Variants in GMDS observed in about 807,000 individuals in gnomAD.
GMDS encodes the protein GDP-mannose 4,6 dehydratase.
A neutral mutation model predicts 49.9 loss-of-function variants in GMDS; 20 were observed. That is an observed-to-expected ratio of 0.40 (90% CI 0.28 to 0.58). The LOEUF (loss-of-function observed/expected upper bound fraction) is 0.58, where lower values mean the gene tolerates loss of function less well. Among genes scored for constraint, GMDS ranks in the 20% least tolerant of loss-of-function variants. GMDS has a pLI of 0.42. For synonymous variants in GMDS, 177 were observed against 178.6 expected, an observed-to-expected ratio of 0.99 and a Z score of 0.07; for missense variants, 362 against 481.4, an observed-to-expected ratio of 0.75 and a Z score of 2.32.
intron 7 of GMDS, among the ~76,000 whole-genome samples, chr6:1,856,502 T>C (rs772864763): frequency 4.6e-5 from 7 of 152,254 alleles, no homozygotes; most frequent in Non-Finnish European, 8.8e-5. Flanking sequence ...AGAGCTAACG[T>C]ATTTGCCCAA....
chr6:2,195,244 T>C lies in GMDS; in HGVS notation c.102+50077A>G, dbSNP rs372952808. ...GAAGCGATAGTACTTAATGATTCTGTTCAAAAATTCTGAAGCAAAAAGACC... is the reference window on the plus strand; with the variant it reads ...GAAGCGATAGTACTTAATGATTCTGCTCAAAAATTCTGAAGCAAAAAGACC... On this transcript the variant is annotated intron_variant, in intron 1 of 10. Coordinates refer to ENST00000380815, the MANE Select transcript of GMDS (RefSeq NM_001500.4). 4.6e-5 allele frequency among the ~76,000 whole-genome samples: 7 copies of C among 152,318 alleles called. No homozygotes were observed. In the East Asian group the frequency reaches 5.8e-4, roughly 13 times the overall value.
rs920251624 is a variant in GMDS at position 1,640,827 on chromosome 6, C to T, written c.988-16287G>A. 1.3e-5 allele frequency among the ~76,000 whole-genome samples: 2 copies of T among 151,986 alleles called. No homozygotes were observed. Among genetic ancestry groups the T allele is most frequent in the South Asian group, 2.1e-4 (1 of 4,814 alleles). On this transcript the variant is annotated intron_variant, in intron 9 of 10. Transcript: ENST00000380815. This position sits in a 1 kb window ranked among gnomAD's most constrained non-coding sequence, Gnocchi z 4.0. ...GAAAATTGGGTAATGGGGGGGGTCACGAATGCCAACACGGTACTGTTTAGG... is the reference window on the plus strand; with the variant it reads ...GAAAATTGGGTAATGGGGGGGGTCATGAATGCCAACACGGTACTGTTTAGG...
intron 7 of GMDS, among the ~76,000 whole-genome samples, chr6:1,760,215 T>A (rs1221855827): frequency 6.6e-6 from 1 of 152,210 alleles, no homozygotes; most frequent in African/African-American, 2.4e-5. Flanking sequence ...TTACAAAAAA[T>A]CCCGTTTTCC....
chr6:1,944,053 T>C (rs894587297), intron 6 of GMDS, among the ~76,000 whole-genome samples: 6 of 152,222 alleles, frequency 3.9e-5, no homozygotes, highest in Admixed American at 2.0e-4. Context: ...GTTTGGGCTT[T>C]ACTTCAGAAT....
intron 9 of GMDS, among the ~76,000 whole-genome samples, chr6:1,631,274 G>A (rs1762993131): frequency 6.6e-6 from 1 of 151,966 alleles, no homozygotes; most frequent in Non-Finnish European, 1.5e-5. Context: ...ATCTGTTGCA[G>A]GTGGCCTCTT....
chr6:2,232,030 C>T (rs1581835121), intron 1 of GMDS, among the ~76,000 whole-genome samples: 2 of 151,932 alleles, frequency 1.3e-5, no homozygotes, highest in East Asian at 1.9e-4. Context: ...ATTTTTAACC[C>T]GTTCTTTAGC....
At chr6:1,930,357 A>G in intron 6 of GMDS, 127 bp from the exon 7 acceptor site, 1 of 636,774 alleles carries the variant, frequency 1.6e-6, no homozygotes, top group Non-Finnish European at 2.7e-6. Flanking sequence ...CCCTGTTAAA[A>G]CAATAAAAGA....
chr6:1,733,956 C>T (rs1766918835), intron 8 of GMDS, among the ~76,000 whole-genome samples: 1 of 152,116 alleles, frequency 6.6e-6, no homozygotes, highest in African/African-American at 2.4e-5. Flanking sequence ...AGGAGGCACT[C>T]TTCCAAGGGG....
chr6:1,843,407 A>G (rs1757233586), intron 7 of GMDS, among the ~76,000 whole-genome samples: 1 of 152,168 alleles, frequency 6.6e-6, no homozygotes, highest in Admixed American at 6.5e-5. Context: ...AAGCTACATC[A>G]ATGTACAGTA....
At chr6:1,629,798 C>G (rs77117602) in intron 9 of GMDS, among the ~76,000 whole-genome samples, 1 of 152,230 alleles carries the variant, frequency 6.6e-6, no homozygotes, top group African/African-American at 2.4e-5. Flanking sequence ...GATGGGATCT[C>G]GGTAGAATTT....
intron 7 of GMDS, among the ~76,000 whole-genome samples, chr6:1,806,740 C>T (rs2113670602): frequency 6.6e-6 from 1 of 152,274 alleles, no homozygotes; most frequent in East Asian, 1.9e-4. Context: ...CATTGAATCA[C>T]AGGGTTTTAT....
rs180717590 is a variant in GMDS, at chr6:1,904,480, C to T, written c.771+25623G>A. 5.2e-4 allele frequency among the ~76,000 whole-genome samples: 79 copies of T among 152,292 alleles called. 1 individual carries two copies. The highest frequency in any genetic ancestry group is 1.8e-3 in the African/African-American group (75 of 41,556). ...AGCAGATTTCCTTTTTGCAGGCAGA[C>T]AGAATAAGTCAAAAGAAGGCAAAGT... On this transcript the variant is annotated intron_variant, in intron 7 of 10. Coordinates refer to ENST00000380815, the MANE Select transcript of GMDS (RefSeq NM_001500.4).
chr6:1,760,219 G>A (rs1006822826), intron 7 of GMDS, among the ~76,000 whole-genome samples: 7 of 152,312 alleles, frequency 4.6e-5, no homozygotes, highest in East Asian at 1.9e-4. Flanking sequence ...AAAAAATCCC[G>A]TTTTCCATGA....
chr6:1,995,775 A>G (rs1355256375), intron 4 of GMDS, among the ~76,000 whole-genome samples: 1 of 152,234 alleles, frequency 6.6e-6, no homozygotes, highest in Non-Finnish European at 1.5e-5. Flanking sequence ...GGGAAGGGCC[A>G]GGCTCTCCAC....
At chr6:2,218,407 T>G (rs1167611834) in intron 1 of GMDS, among the ~76,000 whole-genome samples, 2 of 152,132 alleles carry the variant, frequency 1.3e-5, no homozygotes, top group African/African-American at 4.8e-5. Flanking sequence ...GATGAAGATA[T>G]CTTTGACCAC....
chr6:2,236,137 T>TA (rs1020765832), intron 1 of GMDS, among the ~76,000 whole-genome samples: 4 of 152,232 alleles, frequency 2.6e-5, no homozygotes, highest in African/African-American at 9.6e-5. Context: ...AGTTCCCTTA[T>TA]AAAAAATTGG....
At chr6:2,002,879 T>C (rs1766914866) in intron 4 of GMDS, among the ~76,000 whole-genome samples, 1 of 152,200 alleles carries the variant, frequency 6.6e-6, no homozygotes, top group Admixed American at 6.5e-5. Context: ...TTTAAAATCA[T>C]GCCAGAAATA....
chr6:1,922,976 T>C (rs1427353623), intron 7 of GMDS, among the ~76,000 whole-genome samples: 2 of 152,318 alleles, frequency 1.3e-5, no homozygotes, highest in East Asian at 3.9e-4. Context: ...CATCCTGTTC[T>C]CATGGTAGTA....
At chr6:1,730,733 C>G (rs1766766502) in intron 8 of GMDS, among the ~76,000 whole-genome samples, 1 of 152,094 alleles carries the variant, frequency 6.6e-6, no homozygotes, top group Admixed American at 6.5e-5. Flanking sequence ...AGAGATTCTC[C>G]AACTAAAAGG....
Sources: gnomAD v4.1 joint callset for allele counts (sites outside exome capture counted in the v4.1 genomes callset) on GRCh38, gnomAD v4.1.1 for gene constraint, Gnocchi (gnomAD v3.1) non-coding constraint, MANE v1.5 for transcripts, NCBI Gene and HGNC (gene_info 2026-07-23, HGNC 2026-07-21) for gene names.